The following BCAS3 variants were observed in gnomAD, a reference collection of about 807,000 sequenced individuals.
BCAS3 encodes BCAS3 microtubule associated cell migration factor.
A neutral mutation model predicts 116.1 loss-of-function variants in BCAS3; 53 were observed. That is an observed-to-expected ratio of 0.46 (90% confidence interval 0.37 to 0.57). The LOEUF (loss-of-function observed/expected upper bound fraction) is 0.57, where lower values mean the gene tolerates loss of function less well. Among genes scored for constraint, BCAS3 ranks in the 20% least tolerant of loss-of-function variants. BCAS3 has a pLI of 0.00. For synonymous variants in BCAS3, 391 were observed against 408.2 expected (o/e 0.96, Z 0.51); for missense variants, 917 against 1,165.4 (o/e 0.79, Z 3.10).
At chr17:61,206,713 A>G (rs2081148925) in intron 22 of BCAS3, among the ~76,000 whole-genome samples, 1 of 149,982 alleles carries the variant, frequency 6.7e-6, no homozygotes, top group African/African-American at 2.4e-5. Flanking sequence ...AAGCAGGAGA[A>G]TCGCTTGAAC....
At chr17:60,908,155 G>A (rs1269750311) in intron 11 of BCAS3, among the ~76,000 whole-genome samples, 3 of 147,972 alleles carry the variant, frequency 2.0e-5, no homozygotes, top group South Asian at 2.2e-4. Context: ...CAATAGTCAT[G>A]TTTTTTTTTT....
chr17:61,001,104 C>T (rs562301800), intron 15 of BCAS3, among the ~76,000 whole-genome samples: 29 of 152,196 alleles, frequency 1.9e-4, no homozygotes, highest in African/African-American at 6.0e-4. Context: ...TTAACTTGTT[C>T]GTCCTCAGAG....
chr17:60,935,581 A>T (rs185836484), intron 13 of BCAS3, among the ~76,000 whole-genome samples: 1 of 152,110 alleles, frequency 6.6e-6, no homozygotes, highest in African/African-American at 2.4e-5. Context: ...TCCTGTAGGT[A>T]ATCAAACCTA....
At chr17:60,920,666 C>G (rs964769773) in intron 12 of BCAS3, among the ~76,000 whole-genome samples, 10 of 152,082 alleles carry the variant, frequency 6.6e-5, no homozygotes, top group Admixed American at 2.6e-4. Flanking sequence ...GTCGGGAGAT[C>G]AAGACCATCC....
At chr17:61,010,011 A>C (rs2065000399) in intron 15 of BCAS3, among the ~76,000 whole-genome samples, 1 of 150,060 alleles carries the variant, frequency 6.7e-6, no homozygotes, top group African/African-American at 2.5e-5. Flanking sequence ...TGGGTCTTTT[A>C]ATTTGTTTTT....
chr17:60,908,295 A>G (rs1472738709), intron 11 of BCAS3, among the ~76,000 whole-genome samples: 1 of 151,972 alleles, frequency 6.6e-6, no homozygotes, highest in Non-Finnish European at 1.5e-5. Context: ...TTGCTTTGGT[A>G]CACATTACTT....
intron 22 of BCAS3, among the ~76,000 whole-genome samples, chr17:61,322,223 C>T (rs967269163): frequency 8.5e-5 from 13 of 152,170 alleles, no homozygotes; most frequent in Admixed American, 8.5e-4. Flanking sequence ...TGTGAGCCAC[C>T]ACACCCGGCC....
intron 22 of BCAS3, among the ~76,000 whole-genome samples, chr17:61,273,448 T>G (rs915709276): frequency 2.6e-5 from 4 of 152,294 alleles, no homozygotes; most frequent in African/African-American, 4.8e-5. Context: ...CAGTTATTCT[T>G]TGTTCTGTAT....
intron 10 of BCAS3, among the ~76,000 whole-genome samples, chr17:60,894,112 G>A (rs946578429): frequency 6.6e-6 from 1 of 151,730 alleles, no homozygotes; most frequent in Non-Finnish European, 1.5e-5. Context: ...TTCCAATTCT[G>A]TGGAAAAAAC....
rs568832458 is a variant in BCAS3 at position 61,189,092 on chromosome 17, G to C, written c.2425+104528G>C. ...CACTCCAGCCTGGGTGACAAAACAA[G>C]ACCCTGCCTGAAAACAAAACAAAAC... On this transcript the variant is annotated intron_variant, in intron 22 of 23. Coordinates refer to ENST00000407086, the MANE Select transcript of BCAS3 (RefSeq NM_017679.5). The surrounding 1 kb of genome is among the most constrained non-coding windows in gnomAD (Gnocchi z 4.5). Among the ~76,000 whole-genome samples the C allele has an allele frequency of 4.9e-4, 75 of 152,148 alleles. No individual in the cohort carries two copies. The highest frequency in any genetic ancestry group is 6.8e-3 in the Middle Eastern group (2 of 294).
At chr17:60,721,549 C>G (rs76171545) in intron 5 of BCAS3, among the ~76,000 whole-genome samples, 4,731 of 152,208 alleles carry the variant, frequency 0.031, 236 homozygotes, top group African/African-American at 0.1. Context: ...TTGACATAGG[C>G]AGTAGACATT....
At chr17:61,195,679 C>T (rs1278591915) in intron 22 of BCAS3, among the ~76,000 whole-genome samples, 1 of 151,842 alleles carries the variant, frequency 6.6e-6, no homozygotes, top group African/African-American at 2.4e-5. Flanking sequence ...GCACCCGGCC[C>T]CCCTCGTTTT....
At chr17:60,678,342 T>C (rs1834482433) in intron 1 of BCAS3, among the ~76,000 whole-genome samples, 1 of 152,090 alleles carries the variant, frequency 6.6e-6, no homozygotes, top group African/African-American at 2.4e-5. Flanking sequence ...GCGCACAGGT[T>C]TAGAGTTTTC....
At chr17:60,888,093 A>G (rs1163988695) in intron 9 of BCAS3, among the ~76,000 whole-genome samples, 2 of 152,124 alleles carry the variant, frequency 1.3e-5, no homozygotes, top group Non-Finnish European at 1.5e-5. Context: ...TAAGGTTGGG[A>G]TGGTGCTGAG....
chr17:60,772,224 C>T (rs2144423990), intron 6 of BCAS3, among the ~76,000 whole-genome samples: 1 of 152,224 alleles, frequency 6.6e-6, no homozygotes, highest in East Asian at 1.9e-4. Context: ...CCTGTTGTTT[C>T]CTGACTTTTT....
At position 61,366,830 on chromosome 17, in the gene BCAS3, G is replaced by A. The variant is rs189300338; in HGVS notation, c.2426-1497G>A. Among the ~76,000 whole-genome samples the A allele has an allele frequency of 2.6e-4, 40 of 152,322 alleles. No individual in the cohort carries two copies. The highest frequency in any genetic ancestry group is 9.1e-4 in the African/African-American group (38 of 41,570). On this transcript the variant is annotated intron_variant, in intron 22 of 23. Coordinates refer to ENST00000407086, the MANE Select transcript of BCAS3 (RefSeq NM_017679.5). The surrounding 1 kb of genome is among the most constrained non-coding windows in gnomAD (Gnocchi z 4.5). ...TAAATCAAAGCCAAACTTGGCTGAC[G>A]AAATTCAGGAGCCAGTAGTGACCCT...
chr17:60,935,309 C>T (rs1038387765), intron 13 of BCAS3, among the ~76,000 whole-genome samples: 1 of 151,646 alleles, frequency 6.6e-6, no homozygotes. Context: ...AAGAGTACAA[C>T]AATGTAAAAT....
intron 5 of BCAS3, among the ~76,000 whole-genome samples, chr17:60,726,651 A>G (rs1422778649): frequency 6.6e-6 from 1 of 152,002 alleles, no homozygotes; most frequent in African/African-American, 2.4e-5. Flanking sequence ...CTGGGACTAC[A>G]GATGCCCGCC....
intron 5 of BCAS3, among the ~76,000 whole-genome samples, chr17:60,734,988 T>C (rs2040825079): frequency 6.6e-6 from 1 of 152,326 alleles, no homozygotes; most frequent in Middle Eastern, 3.4e-3. Context: ...TTTAGTTCTT[T>C]TTTGATATGT....
Sources: gnomAD v4.1 joint callset for allele counts (sites outside exome capture counted in the v4.1 genomes callset) on GRCh38, gnomAD v4.1.1 for gene constraint, Gnocchi (gnomAD v3.1) non-coding constraint, MANE v1.5 for transcripts, NCBI Gene and HGNC (gene_info 2026-07-23, HGNC 2026-07-21) for gene names.